SMARCD1: variants seen among roughly 807,000 people sequenced by gnomAD.
SMARCD1 encodes the protein SWI/SNF related BAF chromatin remodeling complex subunit D1.
A neutral mutation model predicts 70.8 loss-of-function variants in SMARCD1; 16 were observed. The observed-to-expected ratio is 0.23, with a 90% CI of 0.15 to 0.34. The LOEUF (loss-of-function observed/expected upper bound fraction) is 0.34. Among genes scored for constraint, SMARCD1 ranks in the 10% least tolerant of loss-of-function variants. The pLI, the probability that SMARCD1 is intolerant of heterozygous loss-of-function variation, is 1.00. For missense variants in SMARCD1, 409 were observed against 655.5 expected, an observed-to-expected ratio of 0.62 and a Z score of 4.11; for synonymous variants, 249 against 246.0, an observed-to-expected ratio of 1.01 and a Z score of -0.11.
At chr12:50,090,934 C>T (rs1479524102) in intron 9 of SMARCD1, among the ~76,000 whole-genome samples, 1 of 146,642 alleles carries the variant, frequency 6.8e-6, no homozygotes, top group African/African-American at 2.5e-5. Context: ...ACGCCATTCT[C>T]CTGCCTCAGC....
At chr12:50,098,655 G>GA in intron 11 of SMARCD1, 59 bp from the exon 12 acceptor site, 1 of 1,372,326 alleles carries the variant, frequency 7.3e-7, no homozygotes, top group South Asian at 1.2e-5. Context: ...GGGTGTGAAG[G>GA]AAGGAAACAA....
At chr12:50,098,518 A>G (rs1950912119) in intron 11 of SMARCD1, 196 bp from the exon 12 acceptor site, 1 of 587,644 alleles carries the variant, frequency 1.7e-6, no homozygotes, top group Admixed American at 3.0e-5. Context: ...ATTAGGGGGT[A>G]CTCTAATGAC....
At chr12:50,089,828 C>T in intron 6 of SMARCD1, 56 bp from the exon 7 acceptor site, 2 of 1,254,034 alleles carry the variant, frequency 1.6e-6, no homozygotes, top group Non-Finnish European at 2.3e-6. Flanking sequence ...AAGCTCTTCC[C>T]TCCCACCCCA....
In SMARCD1 at chr12:50,086,846, G is replaced by C. The variant is rs1453885968; in HGVS notation, c.499G>C (p.Asp167His). 6.2e-7 allele frequency: 1 copy of C among 1,614,170 alleles called. No homozygotes were observed. The highest frequency in any genetic ancestry group is 1.1e-5 in the South Asian group (1 of 91,084). ...LDQTIMRKRL[D>H]IQEALKRPIK... ...CCAGACTATCATGAGGAAACGGCTA[G>C]ATATCCAAGAGGCCTTGAAACGTCC... The change falls in exon 4 of 13, where the codon GAT (aspartate) becomes CAT (histidine). Residue 167 changes from aspartate to histidine, a missense_variant. This residue lies in a region of SMARCD1 where 269 missense variants were observed against 498.6 expected (regional missense o/e 0.54). Transcript: ENST00000394963.
At chr12:50,090,035 C>A in intron 7 of SMARCD1, 50 bp downstream of exon 7, 1 of 1,474,268 alleles carries the variant, frequency 6.8e-7, no homozygotes. Flanking sequence ...CACATACCGT[C>A]AGCAGTCTCA....
In SMARCD1 at chr12:50,087,078, G is replaced by C. The variant is rs1277869419; in HGVS notation, c.531+200G>C. On this transcript the variant is annotated intron_variant, in intron 4 of 12. Transcript: ENST00000394963. ...GGGGGAGGGGCTCTTGATGTCTCTTGCACTACAAATATACCCTTGTCCATG... is the reference window on the plus strand; with the variant it reads ...GGGGGAGGGGCTCTTGATGTCTCTTCCACTACAAATATACCCTTGTCCATG... Among the ~76,000 whole-genome samples the C allele has an allele frequency of 6.6e-5, 10 of 152,326 alleles. No individual in the cohort carries two copies. In the South Asian group the frequency reaches 1.2e-3, roughly 19 times the overall value.
At chr12:50,086,075 A>G (rs1950786077) in intron 1 of SMARCD1, 86 bp from the exon 2 acceptor site, 8 of 1,066,684 alleles carry the variant, frequency 7.5e-6, no homozygotes, top group Middle Eastern at 4.4e-4. Context: ...ACTTCATTCA[A>G]AGATCTCAGG....
intron 6 of SMARCD1, 96 bp downstream of exon 6, chr12:50,088,733 T>C (rs1001846210): frequency 2.7e-5 from 18 of 668,590 alleles, no homozygotes; most frequent in Non-Finnish European, 4.5e-5. Flanking sequence ...AGGTATAAAG[T>C]AGTCACTCTA....
chr12:50,086,497 G>GTGGTGGTGA, intron 2 of SMARCD1, 124 bp from the exon 3 acceptor site: 1 of 1,145,856 alleles, frequency 8.7e-7, no homozygotes, highest in Non-Finnish European at 1.3e-6. Context: ...GGTGGTGGTG[G>GTGGTGGTGA]TGGTAGTTCT....
At chr12:50,089,125 C>G (rs1380201840) in intron 6 of SMARCD1, 1 of 152,214 alleles carries the variant, frequency 6.6e-6, no homozygotes, top group Non-Finnish European at 1.5e-5. Flanking sequence ...ATTATGATGC[C>G]TGATTGCACA....
chr12:50,088,021 GGCTCTTATTTTTAGCTGCTC>G (rs1183289529), intron 5 of SMARCD1, among the ~76,000 whole-genome samples: 2 of 152,198 alleles, frequency 1.3e-5, no homozygotes, highest in Non-Finnish European at 2.9e-5. Flanking sequence ...TACATTCTCT[GGCTCTTATTTTTAGCTGCTC>G]GCAGGCAAGC....
intron 5 of SMARCD1, 60 bp downstream of exon 5, chr12:50,087,545 G>A: frequency 1.3e-6 from 2 of 1,589,880 alleles, no homozygotes; most frequent in Non-Finnish European, 1.7e-6. Flanking sequence ...AATGAACAGT[G>A]TTGTCTGGTC....
At chr12:50,086,381 AG>A in intron 2 of SMARCD1, 33 bp downstream of exon 2, 1 of 662,126 alleles carries the variant, frequency 1.5e-6, no homozygotes, top group Non-Finnish European at 2.8e-6. Context: ...GGAGGGAGGG[AG>A]GGAGCCTGGG....
At position 50,086,296 on chromosome 12, in the gene SMARCD1, C is replaced by T; in HGVS notation, c.313C>T (p.Pro105Ser). Residue 105 changes from proline (P) to serine (S), a missense_variant, in exon 2 of 13, where the codon CCT becomes TCT. Pro to Ser is a moderately conservative substitution (Grantham distance 74, BLOSUM62 -1). Around this residue, in one of 2 missense-constraint regions of SMARCD1, gnomAD observed 140 missense variants for 156.9 expected, o/e 0.89. Coordinates refer to ENST00000394963, the MANE Select transcript of SMARCD1 (RefSeq NM_003076.5). Reference sequence around the variant, plus strand: ...GGATCAGTCCCGCAAGAGACCTGCCCCTCAGCAGATCCAGCAGGTCCAGCA... The same window carrying T: ...GGATCAGTCCCGCAAGAGACCTGCCTCTCAGCAGATCCAGCAGGTCCAGCA... Reference protein sequence around the residue: ...GMDQSRKRPAPQQIQQVQQQA... With the variant: ...GMDQSRKRPASQQIQQVQQQA... 1 of 1,612,886 alleles carries T rather than the reference C, an allele frequency of 6.2e-7. No homozygotes were observed. Among genetic ancestry groups the T allele is most frequent in the Non-Finnish European group, 8.5e-7 (1 of 1,179,224 alleles).
At chr12:50,096,513 C>T in intron 10 of SMARCD1, 1 of 188,198 alleles carries the variant, frequency 5.3e-6, no homozygotes, top group Non-Finnish European at 1.1e-5. Flanking sequence ...TATGAGACAG[C>T]CCCATATGCC....
At chr12:50,097,539 G>A (rs377133694) in intron 11 of SMARCD1, among the ~76,000 whole-genome samples, 1 of 151,566 alleles carries the variant, frequency 6.6e-6, no homozygotes, top group South Asian at 2.1e-4. Flanking sequence ...GTGACAGAGC[G>A]AAACTCTGTC....
intron 6 of SMARCD1, 75 bp downstream of exon 6, chr12:50,088,712 A>G (rs1950814365): frequency 1.2e-6 from 1 of 806,748 alleles, no homozygotes; most frequent in Non-Finnish European, 2.1e-6. Context: ...TTAATGTCTA[A>G]GGAGATGGGG....
At chr12:50,091,325 G>T (rs1349848867) in intron 9 of SMARCD1, among the ~76,000 whole-genome samples, 2 of 151,114 alleles carry the variant, frequency 1.3e-5, no homozygotes, top group Non-Finnish European at 2.9e-5. Flanking sequence ...ATGCAGGCTG[G>T]AGTGCAATGG....
At chr12:50,085,826 C>T (rs555690370) in intron 1 of SMARCD1, 4 of 392,518 alleles carry the variant, frequency 1.0e-5, no homozygotes, top group Non-Finnish European at 1.8e-5. Flanking sequence ...GCTTGAGCAG[C>T]TCCAGTGATC....
Sources: gnomAD v4.1 joint callset for allele counts (sites outside exome capture counted in the v4.1 genomes callset) on GRCh38, gnomAD v4.1.1 for gene constraint, gnomAD v4.1.1 regional missense constraint, MANE v1.5 for transcripts, NCBI Gene and HGNC (gene_info 2026-07-23, HGNC 2026-07-21) for gene names.